Variants in JPH3 observed in about 807,000 individuals in gnomAD.
The protein encoded by JPH3 is junctophilin 3.
In JPH3, 11 loss-of-function variants were observed where a neutral mutation model predicts 59.6. The observed-to-expected ratio is 0.18, with a 90% CI of 0.12 to 0.31. The LOEUF is 0.31. JPH3 is among the 10% of genes least tolerant of loss of function. The probability of loss-of-function intolerance (pLI) is 1.00; values close to 1 mark genes in which losing one functional copy is unlikely to be tolerated. For synonymous variants in JPH3, 673 were observed against 483.6 expected (o/e 1.39, Z -5.14); for missense variants, 1,202 against 1,105.7 (o/e 1.09, Z -1.24).
chr16:87,631,492 T>A (rs957640986), intron 1 of JPH3, among the ~76,000 whole-genome samples: 14 of 152,322 alleles, frequency 9.2e-5, no homozygotes, highest in African/African-American at 3.4e-4. Context: ...TCATTTGTGA[T>A]CTGTTTTTAT....
At chr16:87,669,358 AAAGG>A (rs2032956443) in intron 2 of JPH3, among the ~76,000 whole-genome samples, 1 of 152,136 alleles carries the variant, frequency 6.6e-6, no homozygotes, top group South Asian at 2.1e-4. Flanking sequence ...AGGGGTGAGA[AAAGG>A]AAGGAGACTT....
intron 2 of JPH3, among the ~76,000 whole-genome samples, chr16:87,661,862 C>A (rs556803053): frequency 1.4e-4 from 22 of 152,346 alleles, no homozygotes; most frequent in African/African-American, 5.3e-4. Context: ...AGGGCCTTGG[C>A]CCCCAGCAGG....
intron 3 of JPH3, among the ~76,000 whole-genome samples, chr16:87,687,088 C>A (rs567992033): frequency 2.0e-5 from 3 of 152,192 alleles, no homozygotes. Context: ...GAGATTTGAT[C>A]CAAGCATTTC....
intron 1 of JPH3, among the ~76,000 whole-genome samples, chr16:87,627,273 G>A (rs937708371): frequency 1.3e-5 from 2 of 152,250 alleles, no homozygotes; most frequent in Non-Finnish European, 2.9e-5. Flanking sequence ...AGCTGTTGGG[G>A]TGAGCTGAAA....
At chr16:87,634,798 C>T (rs2031679419) in intron 1 of JPH3, among the ~76,000 whole-genome samples, 1 of 152,230 alleles carries the variant, frequency 6.6e-6, no homozygotes, top group Non-Finnish European at 1.5e-5. Context: ...GGGCCTCAGC[C>T]CCGAGTGGGC....
chr16:87,662,296 C>G (rs372049641), intron 2 of JPH3, among the ~76,000 whole-genome samples: 2 of 152,084 alleles, frequency 1.3e-5, no homozygotes, highest in African/African-American at 4.8e-5. Context: ...TGTACTCTGT[C>G]GATGTTTAAG....
intron 1 of JPH3, among the ~76,000 whole-genome samples, chr16:87,642,785 GA>G (rs1445896721): frequency 6.6e-6 from 1 of 152,236 alleles, no homozygotes; most frequent in Admixed American, 6.5e-5. Flanking sequence ...CTCTACAGAC[GA>G]GGACACTGAG....
intron 2 of JPH3, among the ~76,000 whole-genome samples, chr16:87,676,862 C>G (rs2033153170): frequency 6.6e-6 from 1 of 151,688 alleles, no homozygotes; most frequent in Admixed American, 6.6e-5. Context: ...ATGGCGAAAC[C>G]CCGTCTCTAC....
At chr16:87,684,096 AC>A (rs778127359) in intron 2 of JPH3, 45 bp from the exon 3 acceptor site, 2 of 1,475,010 alleles carry the variant, frequency 1.4e-6, no homozygotes, top group Non-Finnish European at 1.9e-6. Flanking sequence ...GACCCCTGTC[AC>A]CTGTGCCCCC....
chr16:87,685,724 C>T (rs1341187139), intron 3 of JPH3, among the ~76,000 whole-genome samples: 1 of 152,264 alleles, frequency 6.6e-6, no homozygotes, highest in Non-Finnish European at 1.5e-5. Context: ...CCCATGGTCG[C>T]CTCAGCTCCA....
chr16:87,661,735 C>T (rs993764944), intron 2 of JPH3, among the ~76,000 whole-genome samples: 1 of 152,342 alleles, frequency 6.6e-6, no homozygotes, highest in African/African-American at 2.4e-5. Context: ...GAGTTCCCCG[C>T]AGGCCGCCAC....
chr16:87,645,690 G>A (rs1197534765), intron 2 of JPH3, among the ~76,000 whole-genome samples: 1 of 152,166 alleles, frequency 6.6e-6, no homozygotes, highest in African/African-American at 2.4e-5. Context: ...GGATCGACGT[G>A]GCTTTTGGGT....
At chr16:87,614,595 C>G (rs1567582505) in intron 1 of JPH3, among the ~76,000 whole-genome samples, 1 of 151,742 alleles carries the variant, frequency 6.6e-6, no homozygotes, top group Non-Finnish European at 1.5e-5. Context: ...CTGTCTGTTC[C>G]CTCCCAGGAT....
At chr16:87,677,016 G>A (rs185447228) in intron 2 of JPH3, among the ~76,000 whole-genome samples, 16 of 151,338 alleles carry the variant, frequency 1.1e-4, no homozygotes, top group African/African-American at 3.4e-4. Context: ...AAAATTAGCC[G>A]GGCGTGGTGG....
Position 87,698,027 on chromosome 16 carries a change from C to T in JPH3, c.*1367C>T, listed in dbSNP as rs1352405700. 2 of 152,660 alleles carry T rather than the reference C, an allele frequency of 1.3e-5. No individual in the cohort carries two copies. The highest frequency in any genetic ancestry group is 2.1e-4 in the South Asian group (1 of 4,832). The allele number at this position is 152,660 out of a possible 1,614,324, so 9.5% of individuals were successfully genotyped here. ...TCTTGGGGCCAGCCCGTCTTATGGACTCTGCCTTGCTTTGCTTATGTTTAG... is the reference window on the plus strand; with the variant it reads ...TCTTGGGGCCAGCCCGTCTTATGGATTCTGCCTTGCTTTGCTTATGTTTAG... On this transcript the variant is annotated 3_prime_UTR_variant, in exon 5 of 5. Coordinates refer to ENST00000284262, the MANE Select transcript of JPH3 (RefSeq NM_020655.4).
chr16:87,603,313 C>T lies in JPH3; in HGVS notation c.167C>T (p.Pro56Leu), dbSNP rs2030336489. 2 of 1,613,200 alleles carry T rather than the reference C, an allele frequency of 1.2e-6. No homozygotes were observed. Among genetic ancestry groups the T allele is most frequent in the East Asian group, 2.2e-5 (1 of 44,860 alleles). The change falls in exon 1 of 5, where the codon CCC becomes CTC. Residue 56 changes from proline (P) to leucine (L), a missense_variant. Coordinates refer to ENST00000284262, the MANE Select transcript of JPH3 (RefSeq NM_020655.4). ...GFEVLGVYTW[P>L]SGNTYQGTWA... ...GAGGTGCTGGGCGTCTACACCTGGC[C>T]CAGCGGCAACACGTACCAGGGCACC...
intron 2 of JPH3, among the ~76,000 whole-genome samples, chr16:87,673,017 G>A (rs774611577): frequency 2.0e-5 from 3 of 152,042 alleles, no homozygotes; most frequent in Non-Finnish European, 4.4e-5. Context: ...GTGGTAGCAC[G>A]TGCACGTAAT....
chr16:87,663,056 C>A (rs1200871165), intron 2 of JPH3, among the ~76,000 whole-genome samples: 2 of 152,026 alleles, frequency 1.3e-5, no homozygotes, highest in South Asian at 2.1e-4. Context: ...GATAAGTCGG[C>A]AAGTTTTGAT....
intron 2 of JPH3, among the ~76,000 whole-genome samples, chr16:87,677,354 G>A (rs1214581481): frequency 6.6e-6 from 1 of 152,056 alleles, no homozygotes; most frequent in Non-Finnish European, 1.5e-5. Context: ...CTGTACTGCA[G>A]CCTGGGTGAC....
Sources: gnomAD v4.1 joint callset for allele counts (sites outside exome capture counted in the v4.1 genomes callset) on GRCh38, gnomAD v4.1.1 for gene constraint, MANE v1.5 for transcripts, NCBI Gene and HGNC (gene_info 2026-07-23, HGNC 2026-07-21) for gene names.